The following DAGLB variants were observed in gnomAD, a reference collection of about 807,000 sequenced individuals.
The protein encoded by DAGLB is diacylglycerol lipase-beta.
In DAGLB, 66 loss-of-function variants were observed where a neutral mutation model predicts 72.1. The observed-to-expected ratio is 0.92, with a 90% CI of 0.75 to 1.12. The LOEUF is 1.12. Among genes scored for constraint, DAGLB ranks in the 50% most tolerant of loss-of-function variants. DAGLB has a pLI of 0.00. For synonymous variants in DAGLB, 414 were observed against 359.5 expected, an observed-to-expected ratio of 1.15 and a Z score of -1.71; for missense variants, 1,065 against 884.9, an observed-to-expected ratio of 1.20 and a Z score of -2.58.
chr7:6,415,523 T>C lies in DAGLB; in HGVS notation c.1427+1104A>G, dbSNP rs556765665. 2.0e-5 allele frequency among the ~76,000 whole-genome samples: 3 copies of C among 151,668 alleles called. No individual in the cohort carries two copies. The East Asian group carries it at 5.9e-4, about 30-fold the overall frequency. ...AAAAGGTTACACAGAACAGTCAGTA[T>C]GCTGGAATCAGCAAAAAAAAATATA... On this transcript the variant is annotated intron_variant, in intron 11 of 14. Transcript: ENST00000297056.
intron 7 of DAGLB, 97 bp downstream of exon 7, chr7:6,425,891 A>G (rs1380364993): frequency 2.6e-6 from 4 of 1,566,636 alleles, no homozygotes; most frequent in Non-Finnish European, 3.5e-6. Flanking sequence ...TTGTGTGTCT[A>G]TGAATTACGG....
chr7:6,441,193 C>T (rs1259330069), intron 2 of DAGLB, among the ~76,000 whole-genome samples: 1 of 150,386 alleles, frequency 6.6e-6, no homozygotes, highest in Non-Finnish European at 1.5e-5. Flanking sequence ...CAGGTTCATG[C>T]CATTCTCCTG....
intron 6 of DAGLB, among the ~76,000 whole-genome samples, chr7:6,426,490 A>C (rs1784313802): frequency 6.6e-6 from 1 of 152,146 alleles, no homozygotes; most frequent in African/African-American, 2.4e-5. Flanking sequence ...GGATGGTTTT[A>C]AACTCCTGAC....
rs774699676 is a variant in DAGLB at position 6,436,535 on chromosome 7, T to C, written c.248-2A>G. ...GCGGTCCAGGGTTACAAATCGTTCC[T>C]GAAATACAAAAAACGTTCCGACTGC... is the stretch of plus-strand genomic sequence containing the variant. On this transcript the variant is annotated splice_acceptor_variant, in intron 2 of 14. Coordinates refer to ENST00000297056, the MANE Select transcript of DAGLB (RefSeq NM_139179.4). LOFTEE classifies it high-confidence loss of function. The C allele has an allele frequency of 6.2e-7, 1 of 1,613,506 alleles. No individual in the cohort carries two copies. The highest frequency in any genetic ancestry group is 1.7e-5 in the Admixed American group (1 of 59,660).
At position 6,421,995 on chromosome 7, in the gene DAGLB, C is replaced by A. The variant is rs192280028; in HGVS notation, c.1141-191G>T. 3.6e-5 allele frequency: 25 copies of A among 691,372 alleles called. No individual in the cohort carries two copies. In the Admixed American group the frequency reaches 4.7e-4, roughly 13 times the overall value. 42.8% of individuals were successfully genotyped at this position (691,372 alleles called of 1,614,324 possible). The stretch of plus-strand genomic sequence containing the variant: ...GTGGCTCCTGAGGGCCCTGATGGCA[C>A]GACCAGCTCTGGGCCAGGCGTGAAG... On this transcript the variant is annotated intron_variant, in intron 8 of 14. Transcript: ENST00000297056.
At chr7:6,410,549 C>T (rs1783688078) in intron 13 of DAGLB, among the ~76,000 whole-genome samples, 169 bp from the exon 14 acceptor site, 1 of 152,170 alleles carries the variant, frequency 6.6e-6, no homozygotes, top group South Asian at 2.1e-4. Flanking sequence ...TGGCAGCCAC[C>T]TCGGCTCAGG....
intron 5 of DAGLB, 27 bp downstream of exon 5, chr7:6,432,810 C>G (rs780750197): frequency 1.2e-6 from 2 of 1,609,792 alleles, no homozygotes; most frequent in East Asian, 2.2e-5. Flanking sequence ...AGTGTCAGAA[C>G]TGGACACTCC....
chr7:6,441,421 C>CTT (rs777739932), intron 2 of DAGLB, among the ~76,000 whole-genome samples: 6 of 106,272 alleles, frequency 5.6e-5, no homozygotes, highest in Admixed American at 1.0e-4. Context: ...ACATTTTTTT[C>CTT]TTTTTTTTTT....
In DAGLB at chr7:6,419,079, T is replaced by G. The variant is rs146925304; in HGVS notation, c.1219-2158A>C. 3.5e-3 allele frequency among the ~76,000 whole-genome samples: 517 copies of G among 147,926 alleles called. 4 individuals carry two copies. Among genetic ancestry groups the G allele is most frequent in the African/African-American group, 0.013 (499 of 39,548 alleles). On this transcript the variant is annotated intron_variant, in intron 9 of 14. Coordinates refer to ENST00000297056, the MANE Select transcript of DAGLB (RefSeq NM_139179.4). Reference sequence around the variant, plus strand: ...ACTCTGTGTGCATTCAGATGGCACTTCCTTTTTTTTTTTTTTTTTTTTGAG... The same window carrying G: ...ACTCTGTGTGCATTCAGATGGCACTGCCTTTTTTTTTTTTTTTTTTTTGAG...
chr7:6,423,688 A>G lies in DAGLB; in HGVS notation c.1140+1064T>C, dbSNP rs188822880. 7.6e-3 allele frequency among the ~76,000 whole-genome samples: 1,153 copies of G among 151,876 alleles called. 10 individuals are homozygous for G. Among genetic ancestry groups the G allele is most frequent in the African/African-American group, 0.026 (1,080 of 41,396 alleles). On this transcript the variant is annotated intron_variant, in intron 8 of 14. Transcript: ENST00000297056. ...CTGCAACCTCCGCCTCCCGGGTTCA[A>G]GTGATTCTCCTGCCTCAGCCTCCTG...
chr7:6,439,459 C>T (rs933393419), intron 2 of DAGLB, among the ~76,000 whole-genome samples: 2 of 152,100 alleles, frequency 1.3e-5, no homozygotes, highest in African/African-American at 2.4e-5. Context: ...TCATCAGACA[C>T]AGCCACTTAT....
At chr7:6,412,538 G>C (rs1326488567) in intron 13 of DAGLB, 1 of 455,524 alleles carries the variant, frequency 2.2e-6, no homozygotes, top group East Asian at 3.5e-5. Context: ...CTCCTGCCTT[G>C]GCCTCCTGAG....
intron 2 of DAGLB, among the ~76,000 whole-genome samples, chr7:6,441,283 G>A (rs558399087): frequency 1.2e-4 from 18 of 150,904 alleles, no homozygotes; most frequent in African/African-American, 4.4e-4. Flanking sequence ...AGTAGAGACG[G>A]GGTTTCACCA....
chr7:6,426,980 C>T (rs1221246243), intron 6 of DAGLB, among the ~76,000 whole-genome samples: 1 of 152,006 alleles, frequency 6.6e-6, no homozygotes, highest in East Asian at 1.9e-4. Context: ...TGGTGGCAGG[C>T]GCCTGTAATC....
At chr7:6,421,921 C>T in intron 8 of DAGLB, 117 bp from the exon 9 acceptor site, 1 of 1,153,270 alleles carries the variant, frequency 8.7e-7, no homozygotes, top group Non-Finnish European at 1.3e-6. Context: ...GCACCATCTC[C>T]TAGTTCGGTC....
intron 2 of DAGLB, among the ~76,000 whole-genome samples, chr7:6,441,878 C>G (rs1784844454): frequency 6.6e-6 from 1 of 152,114 alleles, no homozygotes; most frequent in African/African-American, 2.4e-5. Context: ...GGAAGGGCCA[C>G]AATGACTCGA....
At chr7:6,412,741 C>T in intron 13 of DAGLB, 70 bp downstream of exon 13, 3 of 1,530,304 alleles carry the variant, frequency 2.0e-6, no homozygotes, top group African/African-American at 1.4e-5. Flanking sequence ...GCAATTCCTC[C>T]CGGCTCTCCA....
At chr7:6,424,891 G>A (rs1275742034) in intron 7 of DAGLB, 56 bp from the exon 8 acceptor site, 6 of 1,567,954 alleles carry the variant, frequency 3.8e-6, no homozygotes, top group East Asian at 2.2e-5. Flanking sequence ...GCACCAGCAC[G>A]CAAAGTCGGA....
chr7:6,427,736 A>C (rs982976233), intron 6 of DAGLB, among the ~76,000 whole-genome samples: 5 of 152,094 alleles, frequency 3.3e-5, no homozygotes, highest in African/African-American at 4.8e-5. Context: ...TGTTACAGTA[A>C]GCCGTGATGA....
Sources: allele counts gnomAD v4.1 joint callset (sites outside exome capture counted in the v4.1 genomes callset), GRCh38; gene constraint gnomAD v4.1.1; transcripts MANE v1.5; gene names NCBI Gene and HGNC (gene_info 2026-07-23, HGNC 2026-07-21).